The following HEATR5A variants were observed in gnomAD, a reference collection of about 807,000 sequenced individuals.
HEATR5A encodes the protein HEAT repeat containing 5A, also known as HEAT repeat-containing protein 5A.
Under a neutral mutation model 218.8 loss-of-function variants are expected in HEATR5A, and 178 were observed. The ratio of observed to expected loss-of-function variants is 0.81; its 90% confidence interval spans 0.72 to 0.92. HEATR5A has a LOEUF of 0.92. HEATR5A is among the 40% of genes least tolerant of loss of function. The probability of loss-of-function intolerance (pLI) is 0.00; values close to 1 mark genes in which losing one functional copy is unlikely to be tolerated. For missense variants in HEATR5A, 2,420 were observed against 2,418.9 expected (o/e 1.00, Z -0.01); for synonymous variants, 864 against 871.6 (o/e 0.99, Z 0.15).
Position 31,383,760 on chromosome 14 carries a change from T to C in HEATR5A, c.1357A>G (p.Ser453Gly), listed in dbSNP as rs746843518. The C allele has an allele frequency of 1.2e-6, 2 of 1,612,934 alleles. No homozygotes were observed. The highest frequency in any genetic ancestry group is 1.7e-6 in the Non-Finnish European group (2 of 1,179,514). ...LQDSSTGLLD[S>G]ILSVILHPSI... Reference sequence around the variant, plus strand: ...GGATGAAGAATAACTGACAAGATACTGTCAAGGAGACCTGGAAGGATAAAC... The same window carrying C: ...GGATGAAGAATAACTGACAAGATACCGTCAAGGAGACCTGGAAGGATAAAC... The change falls in exon 10 of 36, where the codon AGT becomes GGT. Residue 453 changes from serine to glycine, a missense_variant. Ser to Gly is a moderately conservative substitution (Grantham distance 56). Coordinates refer to ENST00000543095, the MANE Select transcript of HEATR5A (RefSeq NM_015473.4).
intron 4 of HEATR5A, among the ~76,000 whole-genome samples, chr14:31,396,911 G>A (rs2030676344): frequency 6.6e-6 from 1 of 152,134 alleles, no homozygotes; most frequent in Admixed American, 6.6e-5. Context: ...GGCCTAAAAA[G>A]TGTTAGAACT....
chr14:31,347,723 G>T, intron 19 of HEATR5A, 25 bp downstream of exon 19: 1 of 1,489,812 alleles, frequency 6.7e-7, no homozygotes, highest in South Asian at 1.5e-5. Flanking sequence ...TGAATTTCAA[G>T]GGAAGTATCA....
intron 1 of HEATR5A, among the ~76,000 whole-genome samples, chr14:31,416,174 G>A (rs1418523403): frequency 6.6e-6 from 1 of 152,160 alleles, no homozygotes; most frequent in Non-Finnish European, 1.5e-5. Context: ...CTGCAGTGCA[G>A]TGGTACGATC....
chr14:31,395,137 A>G, intron 5 of HEATR5A, 62 bp downstream of exon 5: 1 of 1,152,686 alleles, frequency 8.7e-7, no homozygotes, highest in Non-Finnish European at 1.2e-6. Context: ...ATGCTTTCAC[A>G]AAGAAGCTGA....
intron 16 of HEATR5A, among the ~76,000 whole-genome samples, chr14:31,350,957 T>C (rs1901205444): frequency 6.6e-6 from 1 of 152,102 alleles, no homozygotes; most frequent in Non-Finnish European, 1.5e-5. Flanking sequence ...TTTGTATTTT[T>C]AGTAGAGTAG....
intron 14 of HEATR5A, among the ~76,000 whole-genome samples, chr14:31,360,785 T>C (rs1380043233): frequency 6.6e-6 from 1 of 152,176 alleles, no homozygotes; most frequent in Non-Finnish European, 1.5e-5. Flanking sequence ...GCCATCACTT[T>C]CTGTATCATT....
At chr14:31,334,477 G>A (rs1413187176) in intron 22 of HEATR5A, 2 of 455,500 alleles carry the variant, frequency 4.4e-6, no homozygotes, top group Admixed American at 2.4e-5. Context: ...TACAACAAAG[G>A]ATTCAGAATA....
chr14:31,376,982 G>A (rs758134634), intron 11 of HEATR5A, among the ~76,000 whole-genome samples: 4 of 152,066 alleles, frequency 2.6e-5, no homozygotes, highest in Non-Finnish European at 4.4e-5. Context: ...AAAATTAGCT[G>A]AGTGTAGTGG....
rs1899641446 is a variant in HEATR5A, at chr14:31,308,857, A to C, written c.4690+77T>G. ...GCCACTGTACTCCAGCCTGGGTGAA[A>C]GAGCAAAACTCCATCTCAAAAAAAA... On this transcript the variant is annotated intron_variant, in intron 29 of 35. Coordinates refer to ENST00000543095, the MANE Select transcript of HEATR5A (RefSeq NM_015473.4). The C allele has an allele frequency of 7.6e-6, 10 of 1,307,542 alleles. No homozygotes were observed. In the East Asian group the frequency reaches 1.0e-4, roughly 13 times the overall value. The allele number at this position is 1,307,542 out of a possible 1,614,324, so 81.0% of individuals were successfully genotyped here.
At chr14:31,389,859 T>C (rs767375239) in intron 6 of HEATR5A, among the ~76,000 whole-genome samples, 7 of 152,136 alleles carry the variant, frequency 4.6e-5, no homozygotes, top group Non-Finnish European at 7.3e-5. Flanking sequence ...CCATGCTCTG[T>C]GGATCATAAA....
intron 28 of HEATR5A, among the ~76,000 whole-genome samples, chr14:31,311,405 T>A (rs1401065445): frequency 2.6e-5 from 4 of 152,080 alleles, no homozygotes. Flanking sequence ...GACTGACTGA[T>A]TACATTCTTT....
chr14:31,311,368 T>C (rs17660791), intron 28 of HEATR5A, among the ~76,000 whole-genome samples: 45,922 of 151,908 alleles, frequency 0.3, 8,040 homozygotes, highest in Non-Finnish European at 0.4. Context: ...ATGTATGCGG[T>C]AACATACAAA....
intron 1 of HEATR5A, among the ~76,000 whole-genome samples, chr14:31,419,731 GATAA>G (rs1346486707): frequency 6.6e-6 from 1 of 152,206 alleles, no homozygotes; most frequent in Non-Finnish European, 1.5e-5. Context: ...CCATTACTGT[GATAA>G]ATAAACACTA....
chr14:31,357,685 G>A (rs1478396231), intron 16 of HEATR5A, among the ~76,000 whole-genome samples: 2 of 152,108 alleles, frequency 1.3e-5, no homozygotes. Context: ...TTTTGGGGAG[G>A]ACATCTTGTA....
In HEATR5A at chr14:31,358,812, G is replaced by A. The variant is rs757556150; in HGVS notation, c.2236C>T (p.Leu746Phe). The A allele has an allele frequency of 9.3e-6, 15 of 1,612,176 alleles. No individual in the cohort carries two copies. The highest frequency in any genetic ancestry group is 3.4e-5 in the Admixed American group (2 of 59,534). The change falls in exon 16 of 36, where the codon CTC becomes TTC. Residue 746 changes from leucine to phenylalanine, a missense_variant and splice_region_variant. Leu to Phe is a conservative substitution (Grantham distance 22). Transcript: ENST00000543095. ...CAAGCAACACCATTACCAAGCAGGA[G>A]CTAAAAGGGAAAAAAAGTATATAAG... is the stretch of plus-strand genomic sequence containing the variant. ...ETDHRFIEEQ[L>F]LLGNGVACGS...
intron 12 of HEATR5A, among the ~76,000 whole-genome samples, chr14:31,374,447 C>T (rs539566345): frequency 6.6e-6 from 1 of 152,212 alleles, no homozygotes. Context: ...CATCCCTAAC[C>T]TCCATGCTGT....
At chr14:31,372,302 T>C (rs1013770736) in intron 12 of HEATR5A, among the ~76,000 whole-genome samples, 13 of 152,178 alleles carry the variant, frequency 8.5e-5, no homozygotes, top group African/African-American at 2.9e-4. Context: ...TTTTTACAGA[T>C]GTTATCTGAA....
intron 6 of HEATR5A, 104 bp downstream of exon 6, chr14:31,393,948 T>G: frequency 1.2e-6 from 1 of 820,976 alleles, no homozygotes; most frequent in Non-Finnish European, 1.8e-6. Context: ...ATGCCTGGCC[T>G]GAAATTGATT....
At chr14:31,369,608 CAAAAAAAAAAA>C (rs71430951) in intron 13 of HEATR5A, among the ~76,000 whole-genome samples, 1 of 45,146 alleles carries the variant, frequency 2.2e-5, no homozygotes, top group Non-Finnish European at 3.6e-5. Flanking sequence ...AAAACTGTCT[CAAAAAAAAAAA>C]AAAAAAAAAA....
Sources: allele counts gnomAD v4.1 joint callset (sites outside exome capture counted in the v4.1 genomes callset), GRCh38; gene constraint gnomAD v4.1.1; transcripts MANE v1.5; gene names NCBI Gene and HGNC (gene_info 2026-07-23, HGNC 2026-07-21).